NALCN: variants seen among roughly 807,000 people sequenced by gnomAD.
NALCN encodes the protein sodium leak channel NALCN.
In NALCN, 111 loss-of-function variants were observed where a neutral mutation model predicts 225.3. That is an observed-to-expected ratio of 0.49 (90% CI 0.42 to 0.58). NALCN has a LOEUF of 0.58. NALCN is among the 20% of genes least tolerant of loss of function. NALCN has a pLI of 0.00. For synonymous variants in NALCN, 764 were observed against 769.0 expected, an observed-to-expected ratio of 0.99 and a Z score of 0.11; for missense variants, 1,378 against 2,202.4, an observed-to-expected ratio of 0.63 and a Z score of 7.49.
chr13:101,233,544 G>A (rs2041434801), intron 12 of NALCN, among the ~76,000 whole-genome samples: 1 of 151,950 alleles, frequency 6.6e-6, no homozygotes, highest in Non-Finnish European at 1.5e-5. Flanking sequence ...GTTTCACCAT[G>A]TTAGCCGGGA....
intron 34 of NALCN, among the ~76,000 whole-genome samples, 162 bp downstream of exon 34, chr13:101,081,365 G>A (rs1424489803): frequency 6.6e-6 from 1 of 152,126 alleles, no homozygotes; most frequent in African/African-American, 2.4e-5. Context: ...GTAGACACAA[G>A]CATGTCTGAG....
intron 10 of NALCN, among the ~76,000 whole-genome samples, chr13:101,265,552 G>A (rs1334579671): frequency 6.6e-6 from 1 of 152,168 alleles, no homozygotes; most frequent in South Asian, 2.1e-4. Context: ...GGCTTCTCAC[G>A]CAATTAAAAT....
At chr13:101,195,336 G>A (rs768773598) in intron 13 of NALCN, among the ~76,000 whole-genome samples, 2 of 152,138 alleles carry the variant, frequency 1.3e-5, no homozygotes, top group Non-Finnish European at 2.9e-5. Flanking sequence ...TGTATGTTCA[G>A]TGCATTTTCC....
chr13:101,399,874 G>A (rs2047416876), intron 1 of NALCN, among the ~76,000 whole-genome samples: 1 of 152,124 alleles, frequency 6.6e-6, no homozygotes, highest in East Asian at 1.9e-4. Flanking sequence ...TATGGCCATT[G>A]CTACTGCCTT....
chr13:101,335,322 G>T (rs974750439), intron 7 of NALCN, among the ~76,000 whole-genome samples: 1 of 152,080 alleles, frequency 6.6e-6, no homozygotes, highest in Non-Finnish European at 1.5e-5. Flanking sequence ...GTTTAAGTAA[G>T]TCTGTGGCCC....
At position 101,199,379 on chromosome 13, in the gene NALCN, G is replaced by C. The variant is rs1204719122; in HGVS notation, c.1627-7325C>G. ...GTTTACTGTGGCACTATTCACAATA[G>C]CAAAGACTTGGAACCAACCCAAATG... On this transcript the variant is annotated intron_variant, in intron 13 of 43. Transcript: ENST00000251127. Among the ~76,000 whole-genome samples the C allele has an allele frequency of 2.0e-5, 3 of 151,614 alleles. No homozygotes were observed. In the East Asian group the frequency reaches 5.9e-4, roughly 30 times the overall value.
chr13:101,328,655 C>A (rs555536), intron 7 of NALCN, among the ~76,000 whole-genome samples: 62,695 of 151,840 alleles, frequency 0.41, 13,294 homozygotes, highest in Non-Finnish European at 0.47. Context: ...AATTTATTTA[C>A]TTAATTATGT....
intron 13 of NALCN, among the ~76,000 whole-genome samples, chr13:101,211,495 T>C (rs2040520765): frequency 6.6e-6 from 1 of 151,980 alleles, no homozygotes; most frequent in African/African-American, 2.4e-5. Flanking sequence ...ACACAGGATA[T>C]TATTTTATCA....
At chr13:101,301,574 A>C (rs2043969759) in intron 7 of NALCN, among the ~76,000 whole-genome samples, 1 of 151,942 alleles carries the variant, frequency 6.6e-6, no homozygotes, top group African/African-American at 2.4e-5. Context: ...TACAAAAATT[A>C]TCCAGGCCTG....
chr13:101,397,109 T>TAC (rs71121190), intron 2 of NALCN, among the ~76,000 whole-genome samples: 2,069 of 80,488 alleles, frequency 0.026, 49 homozygotes, highest in African/African-American at 0.029. Flanking sequence ...TATATATATA[T>TAC]ACATACACAT....
At chr13:101,163,725 A>G (rs1399587715) in intron 15 of NALCN, among the ~76,000 whole-genome samples, 1 of 152,110 alleles carries the variant, frequency 6.6e-6, no homozygotes, top group Non-Finnish European at 1.5e-5. Context: ...TCTTGAGTCC[A>G]GAGAACAAGG....
intron 14 of NALCN, among the ~76,000 whole-genome samples, chr13:101,188,387 A>G (rs476052): frequency 0.36 from 54,796 of 151,898 alleles, 10,480 homozygotes; most frequent in African/African-American, 0.43. Flanking sequence ...TGGCCCCAGC[A>G]TGGACTTATA....
chr13:101,126,553 C>T (rs1037622899), intron 17 of NALCN, among the ~76,000 whole-genome samples: 20 of 150,340 alleles, frequency 1.3e-4, no homozygotes, highest in African/African-American at 2.5e-4. Context: ...AGTGCAGTGG[C>T]GTAATCTCAG....
At chr13:101,284,333 A>G (rs1052340883) in intron 9 of NALCN, among the ~76,000 whole-genome samples, 1 of 152,216 alleles carries the variant, frequency 6.6e-6, no homozygotes, top group African/African-American at 2.4e-5. Context: ...TCCCCATTAT[A>G]TTGATAAATA....
At chr13:101,229,685 G>T (rs1043460555) in intron 12 of NALCN, 101 bp from the exon 13 acceptor site, 35 of 980,402 alleles carry the variant, frequency 3.6e-5, no homozygotes, top group Non-Finnish European at 3.6e-5. Context: ...AGTGCTTTAT[G>T]AAAATCATAC....
At chr13:101,237,705 C>A in intron 12 of NALCN, 50 bp downstream of exon 12, 1 of 1,280,478 alleles carries the variant, frequency 7.8e-7, no homozygotes. Context: ...CAGGTATTTA[C>A]TCTGGAAATA....
intron 14 of NALCN, among the ~76,000 whole-genome samples, chr13:101,178,414 A>G (rs1234634099): frequency 6.6e-6 from 1 of 152,150 alleles, no homozygotes. Context: ...TTTCCTTTAT[A>G]AGACTTGGAA....
At chr13:101,183,616 C>T (rs1463778501) in intron 14 of NALCN, among the ~76,000 whole-genome samples, 2 of 152,048 alleles carry the variant, frequency 1.3e-5, no homozygotes, top group South Asian at 2.1e-4. Flanking sequence ...CCTGCCACCA[C>T]ACCAGGCTAA....
chr13:101,181,842 A>G (rs2039241143), intron 14 of NALCN, among the ~76,000 whole-genome samples: 1 of 152,140 alleles, frequency 6.6e-6, no homozygotes, highest in African/African-American at 2.4e-5. Context: ...TTAGATATAT[A>G]ATGTTTTCTA....
Sources: allele counts gnomAD v4.1 joint callset (sites outside exome capture counted in the v4.1 genomes callset), GRCh38; gene constraint gnomAD v4.1.1; transcripts MANE v1.5; gene names NCBI Gene and HGNC (gene_info 2026-07-23, HGNC 2026-07-21).